Variants in KIF21A observed in about 807,000 individuals in gnomAD.
The protein encoded by KIF21A is kinesin-like protein KIF21A.
In KIF21A, 114 loss-of-function variants were observed where a neutral mutation model predicts 202.9. That is an observed-to-expected ratio of 0.56 (90% CI 0.48 to 0.66). The LOEUF (loss-of-function observed/expected upper bound fraction) is 0.66, where lower values mean the gene tolerates loss of function less well. Among genes scored for constraint, KIF21A ranks in the 30% least tolerant of loss-of-function variants. The pLI is 0.00. For synonymous variants in KIF21A, 667 were observed against 670.8 expected (o/e 0.99, Z 0.09); for missense variants, 1,677 against 1,994.9 (o/e 0.84, Z 3.04).
In KIF21A at chr12:39,337,132, C is replaced by A; in HGVS notation, c.2382G>T (p.Glu794Asp). ...GTTGATCCTTTTTCAACTGAGCAAT[C>A]TCTCTGTTTCTTCTAGACTCAGTCA... Reference protein sequence around the residue: ...ARLTESRRNREIAQLKKDQRK... With the variant: ...ARLTESRRNRDIAQLKKDQRK... The change falls in exon 17 of 38, where the codon GAG (glutamate) becomes GAT (aspartate). Residue 794 changes from glutamate to aspartate, a missense_variant. By Grantham distance (45) the Glu-to-Asp change is conservative. This residue lies in a region of KIF21A where 966 missense variants were observed against 1,180.9 expected (regional missense o/e 0.82). Coordinates refer to ENST00000361418, the MANE Select transcript of KIF21A (RefSeq NM_001173464.2). The A allele has an allele frequency of 6.2e-7, 1 of 1,611,764 alleles. No homozygotes were observed. The highest frequency in any genetic ancestry group is 1.1e-5 in the South Asian group (1 of 91,050).
chr12:39,398,159 G>A (rs992793913), intron 1 of KIF21A, among the ~76,000 whole-genome samples: 2 of 152,218 alleles, frequency 1.3e-5, no homozygotes, highest in African/African-American at 4.8e-5. Flanking sequence ...ATGTACTTGA[G>A]TGTTCTAGGA....
At chr12:39,436,448 A>ATATATATATTTT (rs1387332677) in intron 1 of KIF21A, among the ~76,000 whole-genome samples, 30 of 95,756 alleles carry the variant, frequency 3.1e-4, no homozygotes, top group Non-Finnish European at 2.8e-4. Context: ...ATATATATAT[A>ATATATATATTTT]TTTTTTTTTT....
At chr12:39,435,478 G>A (rs1938558406) in intron 1 of KIF21A, among the ~76,000 whole-genome samples, 1 of 152,048 alleles carries the variant, frequency 6.6e-6, no homozygotes, top group Non-Finnish European at 1.5e-5. Flanking sequence ...GTGGGATTTA[G>A]GATGCTTTTG....
At chr12:39,360,589 T>C (rs925769218) in intron 7 of KIF21A, among the ~76,000 whole-genome samples, 2 of 152,136 alleles carry the variant, frequency 1.3e-5, no homozygotes, top group African/African-American at 2.4e-5. Context: ...AACGGGGTTT[T>C]GCCATGTTGG....
chr12:39,318,262 T>C, intron 28 of KIF21A, 61 bp from the exon 29 acceptor site: 1 of 1,535,710 alleles, frequency 6.5e-7, no homozygotes, highest in South Asian at 1.1e-5. Flanking sequence ...GTTAGAAAAG[T>C]TATAAGAAAC....
At chr12:39,439,995 C>A (rs1457339992) in intron 1 of KIF21A, among the ~76,000 whole-genome samples, 1 of 152,014 alleles carries the variant, frequency 6.6e-6, no homozygotes. Flanking sequence ...AAAAGCAGGT[C>A]AAATGCTTTT....
intron 1 of KIF21A, among the ~76,000 whole-genome samples, chr12:39,430,555 A>G (rs1487483749): frequency 6.6e-6 from 1 of 151,488 alleles, no homozygotes; most frequent in African/African-American, 2.4e-5. Context: ...GACAAGAGCA[A>G]GACTTCGTCT....
chr12:39,386,755 T>C lies in KIF21A; in HGVS notation c.45-16494A>G, dbSNP rs187667269. 2.3e-3 allele frequency among the ~76,000 whole-genome samples: 343 copies of C among 152,268 alleles called. 4 individuals are homozygous for C. Among genetic ancestry groups the C allele is most frequent in the African/African-American group, 7.9e-3 (330 of 41,564 alleles). ...GTGAATTCAGCTCTACTGAGGAAAG[T>C]CCACACCACATACAGCTTGAAATCT... On this transcript the variant is annotated intron_variant, in intron 1 of 37. Transcript: ENST00000361418.
At chr12:39,424,812 T>C (rs1045143308) in intron 1 of KIF21A, among the ~76,000 whole-genome samples, 11 of 152,154 alleles carry the variant, frequency 7.2e-5, no homozygotes, top group African/African-American at 2.2e-4. Flanking sequence ...CCTCTTATAA[T>C]ACAGTCCACC....
chr12:39,381,294 G>A (rs112976464), intron 1 of KIF21A, among the ~76,000 whole-genome samples: 14,960 of 144,270 alleles, frequency 0.1, 758 homozygotes, highest in East Asian at 0.14. Flanking sequence ...GCAACTGAGC[G>A]AGACTCTGTC....
chr12:39,369,736 A>T lies in KIF21A; in HGVS notation c.443T>A (p.Phe148Tyr). Residue 148 changes from phenylalanine to tyrosine, a missense_variant, in exon 3 of 38, where the codon TTC becomes TAC. Physicochemically the swap from Phe to Tyr is conservative, Grantham distance 22 (BLOSUM62 3). Coordinates refer to ENST00000361418, the MANE Select transcript of KIF21A (RefSeq NM_001173464.2). Reference protein sequence around the residue: ...PAPDFKVNAQFLELYNEEVLD... With the variant: ...PAPDFKVNAQYLELYNEEVLD... ...CCAAAATTGGATTATTACCTCTAAGAATTGGGCATTCACTTTAAAATCTGG... is the reference window on the plus strand; with the variant it reads ...CCAAAATTGGATTATTACCTCTAAGTATTGGGCATTCACTTTAAAATCTGG... 6.2e-7 allele frequency: 1 copy of T among 1,611,982 alleles called. No homozygotes were observed. The highest frequency in any genetic ancestry group is 1.1e-5 in the South Asian group (1 of 90,884).
chr12:39,341,016 C>T lies in KIF21A; in HGVS notation c.2000G>A (p.Ser667Asn). 6.2e-7 allele frequency: 1 copy of T among 1,612,810 alleles called. No individual in the cohort carries two copies. The highest frequency in any genetic ancestry group is 1.3e-5 in the African/African-American group (1 of 74,986). ...KQKLIDELENSQKRLQTLKKQ... is the reference protein window; with the variant it reads ...KQKLIDELENNQKRLQTLKKQ... The stretch of plus-strand genomic sequence containing the variant: ...TTTCAGAGTCTGCAGTCTTTTCTGG[C>T]TGTTTTCTAGTTCATCAATCAGCTT... The change falls in exon 15 of 38, where the codon AGC (serine) becomes AAC (asparagine). Residue 667 changes from serine (S) to asparagine (N), a missense_variant. Ser to Asn is a conservative substitution (Grantham distance 46). Around this residue, in one of 3 missense-constraint regions of KIF21A, gnomAD observed 966 missense variants for 1,180.9 expected, o/e 0.82. Transcript: ENST00000361418.
rs1364198999 is a variant in KIF21A at position 39,331,797 on chromosome 12, T to A, written c.3052-6A>T. The A allele has an allele frequency of 1.1e-5, 18 of 1,593,028 alleles. No individual in the cohort carries two copies. Among genetic ancestry groups the A allele is most frequent in the South Asian group, 5.5e-5 (5 of 90,628 alleles). On this transcript the variant is annotated splice_polypyrimidine_tract_variant and splice_region_variant and intron_variant, in intron 21 of 37. Coordinates refer to ENST00000361418, the MANE Select transcript of KIF21A (RefSeq NM_001173464.2). The stretch of plus-strand genomic sequence containing the variant: ...TCCAATGTCTCACCTTCTTCCTGTA[T>A]AAAATCAGCATAATATGATGACCAT...
chr12:39,322,647 G>C (rs1277120008), intron 27 of KIF21A, 21 bp downstream of exon 27: 2 of 1,590,762 alleles, frequency 1.3e-6, no homozygotes, highest in Non-Finnish European at 1.7e-6. Flanking sequence ...AAAGAAGTTA[G>C]TGTAGCTGGG....
chr12:39,368,053 A>T lies in KIF21A; in HGVS notation c.451-21T>A, dbSNP rs746715488. On this transcript the variant is annotated intron_variant, in intron 3 of 37. Coordinates refer to ENST00000361418, the MANE Select transcript of KIF21A (RefSeq NM_001173464.2). ...TAGAGCTATCAAAAAAATATTAGAA[A>T]TCTAATTTTAGCAGAAATTGTCTGG... 23 of 1,487,732 alleles carry T rather than the reference A, an allele frequency of 1.5e-5. No homozygotes were observed. In the East Asian group the frequency reaches 5.0e-4, roughly 32 times the overall value. The allele number at this position is 1,487,732 out of a possible 1,614,324, so 92.2% of individuals were successfully genotyped here.
intron 34 of KIF21A, among the ~76,000 whole-genome samples, chr12:39,306,838 T>C (rs1225107137): frequency 6.6e-6 from 1 of 152,212 alleles, no homozygotes; most frequent in East Asian, 1.9e-4. Context: ...AACATTTGTC[T>C]TGCTCTGTCT....
chr12:39,408,495 C>G (rs1952795196), intron 1 of KIF21A, among the ~76,000 whole-genome samples: 1 of 151,780 alleles, frequency 6.6e-6, no homozygotes, highest in Non-Finnish European at 1.5e-5. Context: ...ATTGAGGAAC[C>G]CCTGATAAAG....
At chr12:39,387,953 G>A (rs1341243108) in intron 1 of KIF21A, among the ~76,000 whole-genome samples, 2 of 152,140 alleles carry the variant, frequency 1.3e-5, no homozygotes, top group African/African-American at 4.8e-5. Flanking sequence ...TTTGCTATAG[G>A]TGGTAACGTG....
Position 39,357,035 on chromosome 12 carries a change from A to G in KIF21A, c.1406-140T>C, listed in dbSNP as rs1043779358. 1.4e-5 allele frequency: 9 copies of G among 653,044 alleles called. No individual in the cohort carries two copies. In the East Asian group the frequency reaches 2.2e-4, roughly 16 times the overall value. The allele number at this position is 653,044 out of a possible 1,614,324, so 40.5% of individuals were successfully genotyped here. A position where few individuals can be genotyped will look rare whatever the true frequency, so the allele number is the denominator to read the frequency against. ...CAAATTTTCTACCCTTTATTACATG[A>G]GCAGACCACAAGATAATATGATTAC... On this transcript the variant is annotated intron_variant, in intron 9 of 37. Transcript: ENST00000361418.
Sources: allele counts gnomAD v4.1 joint callset (sites outside exome capture counted in the v4.1 genomes callset), GRCh38; gene constraint gnomAD v4.1.1; regional missense constraint gnomAD v4.1.1; transcripts MANE v1.5; gene names NCBI Gene and HGNC (gene_info 2026-07-23, HGNC 2026-07-21).